FRMD4B: variants seen among roughly 807,000 people sequenced by gnomAD.
FRMD4B encodes FERM domain-containing protein 4B.
In FRMD4B, 74 loss-of-function variants were observed where a neutral mutation model predicts 141.5. The observed-to-expected ratio is 0.52, with a 90% CI of 0.43 to 0.63. The LOEUF (loss-of-function observed/expected upper bound fraction) is 0.63, where lower values mean the gene tolerates loss of function less well. FRMD4B is among the 30% of genes least tolerant of loss of function. The pLI, the probability that FRMD4B is intolerant of heterozygous loss-of-function variation, is 0.00. For synonymous variants in FRMD4B, 506 were observed against 467.9 expected (o/e 1.08, Z -1.05); for missense variants, 1,366 against 1,253.4 (o/e 1.09, Z -1.36).
intron 3 of FRMD4B, among the ~76,000 whole-genome samples, chr3:69,304,715 A>T (rs1205148476): frequency 6.6e-6 from 1 of 152,130 alleles, no homozygotes; most frequent in Non-Finnish European, 1.5e-5. Context: ...AGCTTGTCCA[A>T]CTAGTCCATC....
chr3:69,311,400 T>C, intron 2 of FRMD4B, 43 bp from the exon 3 acceptor site: 2 of 905,942 alleles, frequency 2.2e-6, no homozygotes, highest in Non-Finnish European at 3.7e-6. Context: ...TGGTTGCCTC[T>C]CTCTTACTGC....
chr3:69,196,436 A>G (rs1400267581), intron 13 of FRMD4B, 40 bp from the exon 14 acceptor site: 15 of 1,478,132 alleles, frequency 1.0e-5, no homozygotes, highest in Non-Finnish European at 1.4e-5. Context: ...TAACTCAAAC[A>G]TACTTCAAAT....
At chr3:69,509,735 A>T (rs1214162302) in intron 1 of FRMD4B, among the ~76,000 whole-genome samples, 1 of 152,000 alleles carries the variant, frequency 6.6e-6, no homozygotes, top group Admixed American at 6.6e-5. Flanking sequence ...GTTTTTTACA[A>T]ACTGAAGGTT....
At chr3:69,496,657 G>C (rs1706402610) in intron 1 of FRMD4B, among the ~76,000 whole-genome samples, 2 of 149,122 alleles carry the variant, frequency 1.3e-5, no homozygotes, top group Non-Finnish European at 3.0e-5. Context: ...GAGAGAGAGA[G>C]AGAGAGAGAG....
chr3:69,392,836 C>T (rs967983031), intron 2 of FRMD4B, among the ~76,000 whole-genome samples: 2 of 152,032 alleles, frequency 1.3e-5, no homozygotes, highest in African/African-American at 2.4e-5. Flanking sequence ...GCAGGAGGCC[C>T]GAGCGACACA....
At chr3:69,265,953 T>C (rs1199339030) in intron 5 of FRMD4B, among the ~76,000 whole-genome samples, 5 of 151,928 alleles carry the variant, frequency 3.3e-5, no homozygotes, top group Admixed American at 2.6e-4. Flanking sequence ...TCCTAGCACT[T>C]TGGGAGGCCT....
chr3:69,314,413 G>A (rs137882135), intron 1 of FRMD4B, among the ~76,000 whole-genome samples: 6 of 151,204 alleles, frequency 4.0e-5, no homozygotes, highest in African/African-American at 1.5e-4. Flanking sequence ...TGTAATCCCA[G>A]CTATTCAGGA....
At chr3:69,265,269 A>AAAAAAT (rs2093554620) in intron 5 of FRMD4B, among the ~76,000 whole-genome samples, 1 of 23,430 alleles carries the variant, frequency 4.3e-5, no homozygotes, top group African/African-American at 1.7e-4. Context: ...AAAAAAAAAA[A>AAAAAAT]ATATATATAT....
At chr3:69,360,927 C>T (rs1703453636) in intron 1 of FRMD4B, among the ~76,000 whole-genome samples, 1 of 152,082 alleles carries the variant, frequency 6.6e-6, no homozygotes, top group Admixed American at 6.6e-5. Context: ...CCCTTACTTA[C>T]TAGTGAGAAT....
At chr3:69,450,215 A>G (rs1489691783) in intron 1 of FRMD4B, among the ~76,000 whole-genome samples, 2 of 152,214 alleles carry the variant, frequency 1.3e-5, no homozygotes, top group East Asian at 3.9e-4. Flanking sequence ...TCACGTTTTT[A>G]TGCTTTAAAA....
intron 5 of FRMD4B, among the ~76,000 whole-genome samples, chr3:69,261,285 A>G (rs765949335): frequency 1.3e-5 from 2 of 152,338 alleles, no homozygotes; most frequent in African/African-American, 4.8e-5. Context: ...CTTTGGACAC[A>G]CCATCTTTAA....
At chr3:69,300,095 A>G (rs1177244857) in intron 4 of FRMD4B, among the ~76,000 whole-genome samples, 1 of 152,054 alleles carries the variant, frequency 6.6e-6, no homozygotes, top group African/African-American at 2.4e-5. Context: ...GAGGCTAGAG[A>G]CCCTCTGAGG....
Position 69,189,896 on chromosome 3 carries a change from G to T in FRMD4B, c.1771C>A (p.Pro591Thr), listed in dbSNP as rs200578164. Residue 591 changes from proline (P) to threonine (T), a missense_variant and splice_region_variant, in exon 18 of 23, where the codon CCC (proline) becomes ACC (threonine). Physicochemically the swap from Pro to Thr is conservative, Grantham distance 38 (BLOSUM62 -1). Coordinates refer to ENST00000398540, the MANE Select transcript of FRMD4B (RefSeq NM_015123.3). ...SLSDTTTYDD[P>T]SDAFTFPGQR... is the part of the protein sequence containing the mutation. The stretch of plus-strand genomic sequence containing the variant: ...AACCAAAAAAGGAAGAGCCACTTAC[G>T]ATCATCATAGGTGGTGGTGTCAGAC... The T allele has an allele frequency of 6.8e-4, 1,068 of 1,579,818 alleles. 3 individuals are homozygous for T. Among genetic ancestry groups the T allele is most frequent in the Middle Eastern group, 8.4e-4 (5 of 5,988 alleles).
intron 1 of FRMD4B, among the ~76,000 whole-genome samples, chr3:69,355,830 G>A (rs1168148413): frequency 6.6e-6 from 1 of 152,142 alleles, no homozygotes; most frequent in Admixed American, 6.5e-5. Context: ...TTTGAGACCA[G>A]CCTGGCCAAC....
rs144489759 is a variant in FRMD4B at position 69,225,694 on chromosome 3, C to CAAA, written c.582-1007_582-1005dup. Among the ~76,000 whole-genome samples, 156 of 23,332 alleles carry CAAA rather than the reference C, an allele frequency of 6.7e-3. 23 individuals carry two copies. The highest frequency in any genetic ancestry group is 0.027 in the African/African-American group (145 of 5,408). The allele number at this position is 23,332 out of a possible 152,430, so 15.3% of individuals were successfully genotyped here. On this transcript the variant is annotated intron_variant, in intron 7 of 22. Transcript: ENST00000398540. The stretch of plus-strand genomic sequence containing the variant: ...TTGGCGACAGAGCAAGACTCCGTCT[C>CAAA]AAAAAAAAAAAAAAAAAAAAAAAAA...
intron 7 of FRMD4B, among the ~76,000 whole-genome samples, chr3:69,233,336 T>C (rs539480304): frequency 6.6e-6 from 1 of 151,606 alleles, no homozygotes; most frequent in African/African-American, 2.4e-5. Flanking sequence ...ACAGAAAAAT[T>C]AGTTGGGTGG....
chr3:69,364,265 T>C (rs1453481322), intron 1 of FRMD4B, among the ~76,000 whole-genome samples: 2 of 152,188 alleles, frequency 1.3e-5, no homozygotes, highest in African/African-American at 4.8e-5. Flanking sequence ...TCCTTTTAGC[T>C]CAAACTCAGA....
intron 1 of FRMD4B, among the ~76,000 whole-genome samples, chr3:69,462,195 G>T (rs1052657922): frequency 6.6e-6 from 1 of 152,130 alleles, no homozygotes; most frequent in Non-Finnish European, 1.5e-5. Flanking sequence ...AGTAACCAGA[G>T]CCGCAAGTAA....
intron 1 of FRMD4B, among the ~76,000 whole-genome samples, chr3:69,465,517 T>G (rs1228002239): frequency 6.6e-6 from 1 of 152,098 alleles, no homozygotes; most frequent in Non-Finnish European, 1.5e-5. Context: ...ATTAGGTATA[T>G]CTCCTAATGC....
Sources: allele counts gnomAD v4.1 joint callset (sites outside exome capture counted in the v4.1 genomes callset), GRCh38; gene constraint gnomAD v4.1.1; transcripts MANE v1.5; gene names NCBI Gene and HGNC (gene_info 2026-07-23, HGNC 2026-07-21).